USP30: variants seen among roughly 807,000 people sequenced by gnomAD.
USP30 encodes the protein ubiquitin carboxyl-terminal hydrolase 30.
USP30 carries 41 observed loss-of-function variants against 68.2 expected under a neutral mutation model. The observed-to-expected ratio is 0.60, with a 90% CI of 0.47 to 0.78. The LOEUF (loss-of-function observed/expected upper bound fraction) is 0.78. Ranked by LOEUF, USP30 falls within the 30% of genes least tolerant of loss-of-function variation. The probability of loss-of-function intolerance (pLI) is 0.00; values close to 1 mark genes in which losing one functional copy is unlikely to be tolerated. For synonymous variants in USP30, 229 were observed against 253.7 expected (o/e 0.90, Z 0.93); for missense variants, 522 against 649.4 (o/e 0.80, Z 2.13).
At chr12:109,052,135 G>T (rs2040684300), upstream of USP30, among the ~76,000 whole-genome samples, 1 of 152,146 alleles carries the variant, frequency 6.6e-6, no homozygotes, top group African/African-American at 2.4e-5. Flanking sequence ...TCTATACCTG[G>T]CACCCAAGTA....
intron 3 of USP30, among the ~76,000 whole-genome samples, chr12:109,028,451 CT>C (rs59198049): frequency 0.033 from 4,916 of 148,366 alleles, 233 homozygotes; most frequent in African/African-American, 0.11. Flanking sequence ...GTGCCACACC[CT>C]TTTTTTTTTC....
intron 9 of USP30, 119 bp downstream of exon 9, chr12:109,082,138 T>TA: frequency 9.8e-7 from 1 of 1,024,006 alleles, no homozygotes. Context: ...CAGCCACTTC[T>TA]ACTTCTCCCT....
chr12:109,077,197 T>C (rs1225380723), intron 7 of USP30, among the ~76,000 whole-genome samples: 1 of 152,242 alleles, frequency 6.6e-6, no homozygotes, highest in Non-Finnish European at 1.5e-5. Flanking sequence ...TTTCTTCTCT[T>C]GTGATGTCTT....
intron 2 of USP30, among the ~76,000 whole-genome samples, chr12:109,057,317 A>G (rs970537770): frequency 6.6e-6 from 1 of 152,208 alleles, no homozygotes; most frequent in African/African-American, 2.4e-5. Flanking sequence ...GGGGACAGTT[A>G]TAATTGAGGT....
At chr12:109,085,288 T>C (rs138755643) in intron 12 of USP30, among the ~76,000 whole-genome samples, 2 of 152,244 alleles carry the variant, frequency 1.3e-5, no homozygotes, top group African/African-American at 2.4e-5. Context: ...CATATGCATA[T>C]GTATGTGTGT....
chr12:109,050,780 G>A (rs565837480), upstream of USP30, among the ~76,000 whole-genome samples: 3 of 152,052 alleles, frequency 2.0e-5, no homozygotes, highest in South Asian at 6.2e-4. Context: ...AGCCCGAGGC[G>A]GATGGATCAC....
rs190635318 is a variant in USP30, at chr12:109,070,055, A to T, written c.481-1557A>T. Reference sequence around the variant, plus strand: ...CAGGGACTAGGAGGCTGCGGGCGGCATCAGCTTCTATTGTGTTTGCAGCGG... The same window carrying T: ...CAGGGACTAGGAGGCTGCGGGCGGCTTCAGCTTCTATTGTGTTTGCAGCGG... On this transcript the variant is annotated intron_variant, in intron 4 of 12. Transcript: ENST00000257548. The surrounding 1 kb of genome is among the most constrained non-coding windows in gnomAD (Gnocchi z 4.0). Among the ~76,000 whole-genome samples, 42 of 152,246 alleles carry T rather than the reference A, an allele frequency of 2.8e-4. No homozygotes were observed. Among genetic ancestry groups the T allele is most frequent in the African/African-American group, 9.1e-4 (38 of 41,540 alleles).
At chr12:109,066,730 G>A (rs2041266146) in intron 3 of USP30, among the ~76,000 whole-genome samples, 1 of 152,032 alleles carries the variant, frequency 6.6e-6, no homozygotes, top group African/African-American at 2.4e-5. Flanking sequence ...TTAGGCTGCT[G>A]CATATAGCTT....
Position 109,056,765 on chromosome 12 carries a change from T to A in USP30, c.167T>A (p.Ile56Asn). 6.2e-7 allele frequency: 1 copy of A among 1,611,508 alleles called. No homozygotes were observed. Among genetic ancestry groups the A allele is most frequent in the Non-Finnish European group, 8.5e-7 (1 of 1,179,200 alleles). The change falls in exon 2 of 13, where the codon ATT becomes AAT. Residue 56 changes from isoleucine to asparagine, a missense_variant. Physicochemically the swap from Ile to Asn is moderately radical, Grantham distance 149. Transcript: ENST00000257548. ...AAGIYVIWGP[I>N]TERKKRRKGL... ...GGAATATATGTTATTTGGGGTCCCA[T>A]TACAGAAAGAAAGAAGCGTAGAAAA...
At chr12:109,054,335 A>G (rs555473310) in intron 1 of USP30, among the ~76,000 whole-genome samples, 3 of 152,208 alleles carry the variant, frequency 2.0e-5, no homozygotes, top group Admixed American at 2.0e-4. Flanking sequence ...AGCCTGGGCA[A>G]TGTAGTGAGA....
At chr12:109,044,334 A>T (rs2040585549) in intron 3 of USP30, among the ~76,000 whole-genome samples, 1 of 152,148 alleles carries the variant, frequency 6.6e-6, no homozygotes, top group Non-Finnish European at 1.5e-5. Context: ...AATACCACTG[A>T]ACTGCACACT....
chr12:109,044,574 C>G (rs1298852656), intron 3 of USP30, among the ~76,000 whole-genome samples: 1 of 151,864 alleles, frequency 6.6e-6, no homozygotes, highest in African/African-American at 2.4e-5. Flanking sequence ...GAGTTCAAGG[C>G]TGCAGTGAGC....
intron 7 of USP30, among the ~76,000 whole-genome samples, chr12:109,074,149 T>G (rs1210682415): frequency 3.3e-5 from 5 of 152,212 alleles, no homozygotes; most frequent in African/African-American, 9.7e-5. Context: ...TGTGTCTGGC[T>G]TCTTTCATTT....
At chr12:109,065,437 A>C (rs2041216752) in intron 3 of USP30, among the ~76,000 whole-genome samples, 1 of 152,226 alleles carries the variant, frequency 6.6e-6, no homozygotes, top group Admixed American at 6.5e-5. Context: ...GATCCAGCTA[A>C]AAGGGTTTAT....
chr12:109,071,959 T>C (rs2041456715), intron 5 of USP30, among the ~76,000 whole-genome samples: 1 of 152,194 alleles, frequency 6.6e-6, no homozygotes, highest in Non-Finnish European at 1.5e-5. Flanking sequence ...GAATGTGTTA[T>C]TTTTTCCTGT....
rs147273459 is a variant in USP30, at chr12:109,041,584, A to G, written c.-135-6006A>G. On this transcript the variant is annotated intron_variant, in intron 3 of 15. Coordinates refer to the USP30 transcript ENST00000392784. ...TGGTAGGTGGAGGTTGCAGTGAGCC[A>G]AGATAGTGCCACTGCACTCCAGCCT... 2.1e-3 allele frequency among the ~76,000 whole-genome samples: 322 copies of G among 152,150 alleles called. 1 individual carries two copies. Among genetic ancestry groups the G allele is most frequent in the African/African-American group, 7.0e-3 (292 of 41,512 alleles).
At position 109,072,288 on chromosome 12, in the gene USP30, T is replaced by A. The variant is rs1376714918; in HGVS notation, c.580-17T>A. On this transcript the variant is annotated splice_polypyrimidine_tract_variant and intron_variant, in intron 5 of 12. Transcript: ENST00000257548. The stretch of plus-strand genomic sequence containing the variant: ...TAGTAAGGTTTTCAGTCTGTTTTTT[T>A]TTTTTCTCCCCTACAGCAGCAGTCA... The A allele has an allele frequency of 3.7e-6, 6 of 1,612,914 alleles. No individual in the cohort carries two copies. The highest frequency in any genetic ancestry group is 1.7e-5 in the Admixed American group (1 of 59,898).
intron 8 of USP30, 184 bp from the exon 9 acceptor site, chr12:109,081,749 T>G: frequency 1.6e-6 from 1 of 636,254 alleles, no homozygotes; most frequent in Non-Finnish European, 2.8e-6. Flanking sequence ...CTAGAATCTG[T>G]CCGTAGTAGC....
chr12:109,063,245 G>A (rs759717282), intron 3 of USP30, among the ~76,000 whole-genome samples: 2 of 151,958 alleles, frequency 1.3e-5, no homozygotes, highest in African/African-American at 2.4e-5. Context: ...GATGACAGGC[G>A]TGCACCACCA....
Sources: allele counts gnomAD v4.1 joint callset (sites outside exome capture counted in the v4.1 genomes callset), GRCh38; gene constraint gnomAD v4.1.1; non-coding constraint Gnocchi (gnomAD v3.1); transcripts MANE v1.5; gene names NCBI Gene and HGNC (gene_info 2026-07-23, HGNC 2026-07-21).